The following RPL31 variants were observed in gnomAD, a reference collection of about 807,000 sequenced individuals.
The protein encoded by RPL31 is ribosomal protein L31.
For missense variants in RPL31, 95 were observed against 164.0 expected, an observed-to-expected ratio of 0.58 and a Z score of 2.30; for synonymous variants, 51 against 55.0, an observed-to-expected ratio of 0.93 and a Z score of 0.32.
At chr2:101,014,612 G>C (rs544710811) in intron 4 of RPL31, among the ~76,000 whole-genome samples, 2 of 152,302 alleles carry the variant, frequency 1.3e-5, no homozygotes, top group East Asian at 3.9e-4. Context: ...CACCTGGTGA[G>C]CCTTCTTCCC....
chr2:101,002,487 C>CTA, intron 1 of RPL31, 172 bp downstream of exon 1: 1 of 591,632 alleles, frequency 1.7e-6, no homozygotes, highest in East Asian at 2.9e-5. Flanking sequence ...AGAAAGTGAC[C>CTA]AGGCTTAGGG....
downstream of RPL31, chr2:101,007,792 C>T (rs749224881): frequency 6.3e-7 from 1 of 1,599,878 alleles, no homozygotes; most frequent in South Asian, 1.1e-5. Context: ...GTATGGTGGA[C>T]TCCAGTGTGC....
downstream of RPL31, among the ~76,000 whole-genome samples, chr2:101,008,726 C>G (rs1464984464): frequency 6.6e-6 from 1 of 151,784 alleles, no homozygotes; most frequent in African/African-American, 2.4e-5. Flanking sequence ...GCAGGAGAAT[C>G]GCTTAAACCC....
chr2:101,006,048 A>G lies in RPL31; in HGVS notation c.323A>G (p.Tyr108Cys), dbSNP rs1390334581. Reference sequence around the variant, plus strand: ...AATAAGCTATATACTTTGGTTACCTATGTACCTGTTACCACTTTCAAAAGT... The same window carrying G: ...AATAAGCTATATACTTTGGTTACCTGTGTACCTGTTACCACTTTCAAAAGT... The part of the protein sequence containing the change: ...SPNKLYTLVT[Y>C]VPVTTFKNLQ... Residue 108 changes from tyrosine (Y) to cysteine (C), a missense_variant, in exon 4 of 5, where the codon TAT becomes TGT. Physicochemically the swap from Tyr to Cys is radical, Grantham distance 194. Transcript: ENST00000264258. The G allele has an allele frequency of 3.1e-6, 5 of 1,613,752 alleles. No homozygotes were observed. Among genetic ancestry groups the G allele is most frequent in the East Asian group, 2.2e-5 (1 of 44,896 alleles).
At chr2:101,006,328 T>G in intron 4 of RPL31, 22 bp from the exon 5 acceptor site, 1 of 1,607,400 alleles carries the variant, frequency 6.2e-7, no homozygotes, top group Non-Finnish European at 8.5e-7. Context: ...GGTATGGAAA[T>G]TGACTGTTAC....
intron 3 of RPL31, chr2:101,005,020 G>T (rs1038133486): frequency 6.6e-6 from 1 of 152,264 alleles, no homozygotes; most frequent in East Asian, 1.9e-4. Context: ...TTAAACCTTA[G>T]GATTAAGTGA....
chr2:101,017,877 T>C (rs1416937862), intron 4 of RPL31: 1 of 1,550,770 alleles, frequency 6.4e-7, no homozygotes, highest in African/African-American at 1.4e-5. Context: ...AACGATGATC[T>C]CTTCAAAACA....
chr2:101,018,245 T>C (rs55871971), intron 4 of RPL31: 24,856 of 229,094 alleles, frequency 0.11, 1,564 homozygotes, highest in Non-Finnish European at 0.14. Flanking sequence ...GACCTCCTTT[T>C]TTCCGAAGTT....
chr2:101,006,000 G>A lies in RPL31; in HGVS notation c.275G>A (p.Arg92His). Reference protein sequence around the residue: ...YRIRVRLSRKRNEDEDSPNKL... With the variant: ...YRIRVRLSRKHNEDEDSPNKL... ...ATCCGTGTGCGGCTGTCCAGAAAAC[G>A]TAATGAGGATGAAGATTCACCAAAT... The change falls in exon 4 of 5, where the codon CGT becomes CAT. Residue 92 changes from arginine (R) to histidine (H), a missense_variant. Coordinates refer to ENST00000264258, the MANE Select transcript of RPL31 (RefSeq NM_000993.5). 3 of 1,613,696 alleles carry A rather than the reference G, an allele frequency of 1.9e-6. No individual in the cohort carries two copies. The highest frequency in any genetic ancestry group is 2.5e-6 in the Non-Finnish European group (3 of 1,180,032).
downstream of RPL31, chr2:101,010,818 G>C (rs1340920923): frequency 1.1e-5 from 9 of 809,176 alleles, no homozygotes; most frequent in South Asian, 1.6e-5. Flanking sequence ...GGAGGTGGAG[G>C]TTGCAGTGGG....
chr2:101,004,506 G>T, intron 3 of RPL31: 1 of 522,598 alleles, frequency 1.9e-6, no homozygotes, highest in Non-Finnish European at 3.3e-6. Context: ...GCAGTGTAGG[G>T]TGGGAAAGAG....
rs746966755 is a variant in RPL31 at position 101,002,726 on chromosome 2, G to A, written c.25G>A (p.Glu9Lys). 1 of 1,614,074 alleles carries A rather than the reference G, an allele frequency of 6.2e-7. No individual in the cohort carries two copies. Among genetic ancestry groups the A allele is most frequent in the Non-Finnish European group, 8.5e-7 (1 of 1,179,962 alleles). MAPAKKGG[E>K]KKKGRSAINE... ...GATGGCTCCCGCAAAGAAGGGTGGCGAGAAGAAAAAGGGCCGTTCTGCCAT... is the reference window on the plus strand; with the variant it reads ...GATGGCTCCCGCAAAGAAGGGTGGCAAGAAGAAAAAGGGCCGTTCTGCCAT... Residue 9 changes from glutamate to lysine, a missense_variant, in exon 2 of 5, where the codon GAG becomes AAG. Coordinates refer to ENST00000264258, the MANE Select transcript of RPL31 (RefSeq NM_000993.5).
chr2:101,013,512 AATAAG>A (rs1327452769), intron 4 of RPL31, among the ~76,000 whole-genome samples: 1 of 152,220 alleles, frequency 6.6e-6, no homozygotes, highest in African/African-American at 2.4e-5. Flanking sequence ...CCCAAGTTAA[AATAAG>A]ATAAAGGATT....
intron 4 of RPL31, among the ~76,000 whole-genome samples, chr2:101,014,194 A>G (rs973972278): frequency 1.3e-5 from 2 of 152,110 alleles, no homozygotes; most frequent in East Asian, 1.9e-4. Flanking sequence ...TAATTTCGCA[A>G]AAGTTTTTTT....
rs753203972 is a variant in RPL31, at chr2:101,006,426, T to A, written c.*45T>A. ...ATAAAGTTATAAAATTGCCTTCATG[T>A]TTTTGTTCTTTTTAGTTGCAACATA... On this transcript the variant is annotated 3_prime_UTR_variant, in exon 5 of 5. Coordinates refer to ENST00000264258, the MANE Select transcript of RPL31 (RefSeq NM_000993.5). 1.1e-5 allele frequency: 17 copies of A among 1,572,292 alleles called. No individual in the cohort carries two copies. The highest frequency in any genetic ancestry group is 1.3e-5 in the Non-Finnish European group (15 of 1,156,110).
At chr2:101,008,704 T>TG (rs1173014435), downstream of RPL31, among the ~76,000 whole-genome samples, 2 of 151,750 alleles carry the variant, frequency 1.3e-5, no homozygotes, top group Non-Finnish European at 2.9e-5. Context: ...CCCAGCTACT[T>TG]GGGAGGCTGA....
intron 2 of RPL31, among the ~76,000 whole-genome samples, chr2:101,003,588 C>T (rs11690047): frequency 6.6e-6 from 1 of 152,034 alleles, no homozygotes; most frequent in Admixed American, 6.6e-5. Context: ...AAGGGATTGC[C>T]AGCTGCTGTT....
At chr2:101,015,003 C>A (rs767190279) in intron 4 of RPL31, among the ~76,000 whole-genome samples, 3 of 152,078 alleles carry the variant, frequency 2.0e-5, no homozygotes. Context: ...GAGAGGAATA[C>A]GTTCTGAGAA....
chr2:101,005,176 G>C (rs770176745), intron 3 of RPL31: 2 of 152,240 alleles, frequency 1.3e-5, no homozygotes, highest in African/African-American at 4.8e-5. Flanking sequence ...TATAGGAATC[G>C]GGGCCTAGAA....
Sources: gnomAD v4.1 joint callset for allele counts (sites outside exome capture counted in the v4.1 genomes callset) on GRCh38, gnomAD v4.1.1 for gene constraint, MANE v1.5 for transcripts, NCBI Gene and HGNC (gene_info 2026-07-23, HGNC 2026-07-21) for gene names.